ACOXL: variants seen among roughly 807,000 people sequenced by gnomAD.
The protein encoded by ACOXL is acyl-CoA oxidase like.
ACOXL carries 70 observed loss-of-function variants against 71.9 expected under a neutral mutation model. The observed-to-expected ratio is 0.97, with a 90% CI of 0.80 to 1.19. The LOEUF is 1.19. ACOXL is among the 50% of genes most tolerant of loss of function. The probability of loss-of-function intolerance (pLI) is 0.00; values close to 1 mark genes in which losing one functional copy is unlikely to be tolerated. For synonymous variants in ACOXL, 253 were observed against 281.6 expected, an observed-to-expected ratio of 0.90 and a Z score of 1.02; for missense variants, 703 against 736.3, an observed-to-expected ratio of 0.95 and a Z score of 0.52.
intron 3 of ACOXL, among the ~76,000 whole-genome samples, chr2:110,791,256 C>T (rs944336782): frequency 1.3e-5 from 2 of 152,238 alleles, no homozygotes; most frequent in Admixed American, 6.5e-5. Context: ...TGCAAACTTA[C>T]AGGTTCACTT....
chr2:110,798,984 G>A (rs755127701), intron 6 of ACOXL, 30 bp from the exon 7 acceptor site: 2 of 1,601,076 alleles, frequency 1.2e-6, no homozygotes, highest in Non-Finnish European at 1.7e-6. Context: ...AGGAAGGAGA[G>A]CTTAATAATG....
intron 12 of ACOXL, among the ~76,000 whole-genome samples, chr2:110,948,877 C>T (rs533160498): frequency 1.3e-5 from 2 of 152,068 alleles, no homozygotes; most frequent in South Asian, 4.2e-4. Flanking sequence ...GTCTCCCCTC[C>T]AACCTGGATG....
intron 9 of ACOXL, among the ~76,000 whole-genome samples, chr2:110,834,444 A>G (rs889279274): frequency 1.3e-5 from 2 of 152,224 alleles, no homozygotes; most frequent in African/African-American, 4.8e-5. Flanking sequence ...ACGTAAGCCT[A>G]AGAAAAATGT....
At chr2:111,006,479 C>T (rs2063879657) in intron 14 of ACOXL, among the ~76,000 whole-genome samples, 1 of 152,140 alleles carries the variant, frequency 6.6e-6, no homozygotes, top group Admixed American at 6.5e-5. Context: ...ACAGTGCTCC[C>T]AAGCCTTAGC....
intron 11 of ACOXL, among the ~76,000 whole-genome samples, chr2:110,921,958 C>T (rs2060095225): frequency 6.6e-6 from 1 of 152,106 alleles, no homozygotes; most frequent in African/African-American, 2.4e-5. Flanking sequence ...ATTTATGGCT[C>T]AGTAAAAATA....
chr2:111,017,102 T>C (rs1474737834), intron 14 of ACOXL, among the ~76,000 whole-genome samples: 1 of 152,202 alleles, frequency 6.6e-6, no homozygotes, highest in Non-Finnish European at 1.5e-5. Flanking sequence ...TGACTTGGCG[T>C]AAGTGACAAC....
At chr2:111,060,023 G>A (rs1459062047) in intron 16 of ACOXL, among the ~76,000 whole-genome samples, 7 of 152,148 alleles carry the variant, frequency 4.6e-5, no homozygotes, top group Non-Finnish European at 8.8e-5. Context: ...CTTCACCCAT[G>A]CCAGGAAAGG....
rs1038918307 is a variant in ACOXL at position 111,039,611 on chromosome 2, A to G, written c.1369+7897A>G. On this transcript the variant is annotated intron_variant, in intron 15 of 17. Coordinates refer to ENST00000439055, the MANE Select transcript of ACOXL (RefSeq NM_001142807.4). ...TCAAAGCAGATATTGAATACTTTTGAATTTTTATATAACATTAGTGTAAGT... is the reference window on the plus strand; with the variant it reads ...TCAAAGCAGATATTGAATACTTTTGGATTTTTATATAACATTAGTGTAAGT... 2.0e-5 allele frequency among the ~76,000 whole-genome samples: 3 copies of G among 152,204 alleles called. 1 individual carries two copies. In the South Asian group the frequency reaches 6.2e-4, roughly 32 times the overall value.
rs372783504 is a variant in ACOXL at position 110,987,096 on chromosome 2, C to G, written c.1060-12C>G. On this transcript the variant is annotated splice_polypyrimidine_tract_variant and intron_variant, in intron 12 of 17. Coordinates refer to ENST00000439055, the MANE Select transcript of ACOXL (RefSeq NM_001142807.4). ...ACTGCTGAGACTGATGAGCGATAAA[C>G]TCTTTGCACAGGTTGTGGGGCGGGA... 2.6e-6 allele frequency: 4 copies of G among 1,557,838 alleles called. No individual in the cohort carries two copies. The African/African-American group carries it at 5.4e-5, about 21-fold the overall frequency.
intron 1 of ACOXL, among the ~76,000 whole-genome samples, chr2:110,767,900 A>G (rs1249496766): frequency 6.6e-6 from 1 of 150,532 alleles, no homozygotes; most frequent in East Asian, 2.0e-4. Context: ...CCTGGCCAAT[A>G]TGGCGAAACC....
At chr2:111,116,789 T>C (rs570747333) in intron 17 of ACOXL, among the ~76,000 whole-genome samples, 16 of 150,838 alleles carry the variant, frequency 1.1e-4, no homozygotes, top group African/African-American at 3.7e-4. Context: ...AACAATCTTA[T>C]TAGTTTGGTA....
intron 10 of ACOXL, among the ~76,000 whole-genome samples, chr2:110,886,269 G>A (rs1697274053): frequency 6.6e-6 from 1 of 151,772 alleles, no homozygotes; most frequent in Non-Finnish European, 1.5e-5. Flanking sequence ...TTAAAAACTA[G>A]TTTGGCATTT....
chr2:110,972,455 G>T (rs1304647749), intron 12 of ACOXL, among the ~76,000 whole-genome samples: 1 of 152,174 alleles, frequency 6.6e-6, no homozygotes, highest in Non-Finnish European at 1.5e-5. Flanking sequence ...AACACTTCTT[G>T]TATAAGTGGG....
chr2:111,056,487 A>G (rs1198102544), intron 16 of ACOXL, among the ~76,000 whole-genome samples: 1 of 152,006 alleles, frequency 6.6e-6, no homozygotes, highest in African/African-American at 2.4e-5. Flanking sequence ...TTTTAACTCA[A>G]AAAAATATAT....
chr2:110,884,940 T>G (rs1472893796), intron 10 of ACOXL, among the ~76,000 whole-genome samples: 4 of 152,150 alleles, frequency 2.6e-5, no homozygotes, highest in Non-Finnish European at 5.9e-5. Context: ...TTATCTGCAT[T>G]GGCATTCTTT....
intron 10 of ACOXL, among the ~76,000 whole-genome samples, chr2:110,876,658 G>A (rs963678526): frequency 2.6e-5 from 4 of 152,208 alleles, no homozygotes; most frequent in Non-Finnish European, 5.9e-5. Context: ...ATGGCGGCTC[G>A]GGGTCAGGTC....
intron 11 of ACOXL, among the ~76,000 whole-genome samples, chr2:110,929,152 A>G (rs1312204578): frequency 6.6e-6 from 1 of 152,260 alleles, no homozygotes; most frequent in Non-Finnish European, 1.5e-5. Flanking sequence ...AGAAAGGAAA[A>G]TGAGGAAAAG....
chr2:110,988,993 C>T (rs999205722), intron 13 of ACOXL, among the ~76,000 whole-genome samples: 4 of 150,912 alleles, frequency 2.7e-5, no homozygotes, highest in African/African-American at 4.9e-5. Flanking sequence ...TTTTCTTTAT[C>T]GTGTGTTTTG....
intron 12 of ACOXL, among the ~76,000 whole-genome samples, chr2:110,945,458 A>G (rs1371828166): frequency 1.3e-5 from 2 of 150,780 alleles, no homozygotes; most frequent in Non-Finnish European, 2.9e-5. Flanking sequence ...GTTATCTTCC[A>G]GGGTTTTTAT....
Sources: allele counts gnomAD v4.1 joint callset (sites outside exome capture counted in the v4.1 genomes callset), GRCh38; gene constraint gnomAD v4.1.1; transcripts MANE v1.5; gene names NCBI Gene and HGNC (gene_info 2026-07-23, HGNC 2026-07-21).